KLK4: variants seen among roughly 807,000 people sequenced by gnomAD.
KLK4 encodes kallikrein-4.
A neutral mutation model predicts 24.3 loss-of-function variants in KLK4; 24 were observed. The ratio of observed to expected loss-of-function variants is 0.99; its 90% CI spans 0.72 to 1.39. The LOEUF (loss-of-function observed/expected upper bound fraction) is 1.39. KLK4 is among the 40% of genes most tolerant of loss of function. The probability of loss-of-function intolerance (pLI) is 0.00; values close to 1 mark genes in which losing one functional copy is unlikely to be tolerated. For missense variants in KLK4, 344 were observed against 327.4 expected (o/e 1.05, Z -0.39); for synonymous variants, 142 against 138.8 (o/e 1.02, Z -0.16).
Position 50,908,309 on chromosome 19 carries a change from C to T in KLK4, c.612+50G>A, listed in dbSNP as rs189903. ...CGGCCCTGTGTGTCTCTGTCTCCCC[C>T]TTCTCCACCCTTCCCTGAGTCGCCT... On this transcript the variant is annotated intron_variant, in intron 5 of 5. Coordinates refer to ENST00000324041, the Ensembl canonical transcript of KLK4. 8,537 of 1,605,664 alleles carry T rather than the reference C, an allele frequency of 5.3e-3. 386 individuals are homozygous for T. The African/African-American group carries it at 0.098, about 18-fold the overall frequency.
chr19:50,909,056 A>G, intron 3 of KLK4, 196 bp downstream of exon 3: 1 of 1,479,220 alleles, frequency 6.8e-7, no homozygotes. Flanking sequence ...ATTTCAAGTC[A>G]GGACTCTCTG....
chr19:50,908,392 G>A (rs762955905), exon 5 of KLK4: 8 of 1,613,816 alleles, frequency 5.0e-6, no homozygotes, highest in East Asian at 4.5e-5. Context: ...GCCCTCCGCC[G>A]GCGCAGAACA....
chr19:50,908,660 T>C, exon 4 of KLK4: 1 of 1,614,202 alleles, frequency 6.2e-7, no homozygotes, highest in South Asian at 1.1e-5. Context: ...ATGCTCCGGA[T>C]GGTGTCAGAC....
Position 50,910,845 on chromosome 19 carries a change from G to C in KLK4, c.-11-96C>G. 1 of 1,092,586 alleles carries C rather than the reference G, an allele frequency of 9.2e-7. No homozygotes were observed. Among genetic ancestry groups the C allele is most frequent in the Non-Finnish European group, 1.4e-6 (1 of 732,256 alleles). The allele number at this position is 1,092,586 out of a possible 1,614,324, so 67.7% of individuals were successfully genotyped here. ...TCCCTCCCTTTCTTCCCTCTGGGAC[G>C]TTATTAGGTAGGCAAGAGCCTAGAC... On this transcript the variant is annotated intron_variant, in intron 1 of 5. Coordinates refer to ENST00000324041, the Ensembl canonical transcript of KLK4. The surrounding 1 kb of genome is among the most constrained non-coding windows in gnomAD (Gnocchi z 4.4).
Position 50,908,861 on chromosome 19 carries a change from G to A in KLK4, c.225-32C>T, listed in dbSNP as rs199541004. On this transcript the variant is annotated intron_variant, in intron 3 of 5. Transcript: ENST00000324041. The stretch of plus-strand genomic sequence containing the variant: ...GCCACGGAGGGCAGGTCAGTTTTGT[G>A]GCAACTACATCCTTACCTCCATTCT... 3.8e-4 allele frequency: 608 copies of A among 1,606,380 alleles called. 2 individuals carry two copies. Among genetic ancestry groups the A allele is most frequent in the Non-Finnish European group, 4.9e-4 (577 of 1,179,924 alleles).
Position 50,910,614 on chromosome 19 carries a change from C to A in KLK4, c.61+64G>T, listed in dbSNP as rs557523778. 6.2e-6 allele frequency: 9 copies of A among 1,446,432 alleles called. No homozygotes were observed. Among genetic ancestry groups the A allele is most frequent in the African/African-American group, 1.4e-5 (1 of 70,626 alleles). 89.6% of individuals were successfully genotyped at this position (1,446,432 alleles called of 1,614,324 possible). Reference sequence around the variant, plus strand: ...ACAAGCAAGAGGACACTGAGTCACACCTGAACATTAACAAACACTGTGCCC... The same window carrying A: ...ACAAGCAAGAGGACACTGAGTCACAACTGAACATTAACAAACACTGTGCCC... On this transcript the variant is annotated intron_variant, in intron 2 of 5. Coordinates refer to ENST00000324041, the Ensembl canonical transcript of KLK4. The surrounding 1 kb of genome is among the most constrained non-coding windows in gnomAD (Gnocchi z 4.4).
At chr19:50,908,293 G>A in intron 5 of KLK4, 66 bp downstream of exon 5, 1 of 1,590,454 alleles carries the variant, frequency 6.3e-7, no homozygotes, top group Non-Finnish European at 8.6e-7. Flanking sequence ...GCGGCCCTGT[G>A]TGTCTCTGTC....
intron 3 of KLK4, 187 bp downstream of exon 3, chr19:50,909,065 T>TG: frequency 6.8e-7 from 1 of 1,480,968 alleles, no homozygotes; most frequent in Non-Finnish European, 8.9e-7. Flanking sequence ...CAGGACTCTC[T>TG]GAGTCCTTCC....
At chr19:50,908,465 T>G (rs1051887391) in exon 5 of KLK4, 2 of 1,614,020 alleles carry the variant, frequency 1.2e-6, no homozygotes, top group Non-Finnish European at 1.7e-6. Flanking sequence ...CACCGACACG[T>G]TCACGCACTG....
Position 50,909,312 on chromosome 19 carries a change from AAC to A in KLK4, c.162_163del (p.Leu54PhefsTer33). The A allele has an allele frequency of 1.2e-6, 2 of 1,614,206 alleles. No homozygotes were observed. The highest frequency in any genetic ancestry group is 1.7e-6 in the Non-Finnish European group (2 of 1,180,034). ...CGGATGCACCAGGACGCCCGAGCAG[AAC>A]AATTCGTTTTCCATGACCAGTGCCG... On this transcript the variant is annotated frameshift_variant, in exon 3 of 6. Coordinates refer to ENST00000324041, the Ensembl canonical transcript of KLK4. LOFTEE classifies it high-confidence loss of function.
chr19:50,906,998 G>A, exon 6 of KLK4: 1 of 1,614,156 alleles, frequency 6.2e-7, no homozygotes, highest in Non-Finnish European at 8.5e-7. Flanking sequence ...GTAGACACCT[G>A]GCACGCCAAC....
exon 6 of KLK4, chr19:50,906,945 G>T: frequency 6.2e-7 from 1 of 1,614,152 alleles, no homozygotes; most frequent in Non-Finnish European, 8.5e-7. Flanking sequence ...TAACTGGCCT[G>T]GACGGTTTTC....
At chr19:50,907,606 C>T (rs1356369371) in intron 5 of KLK4, among the ~76,000 whole-genome samples, 65 of 152,064 alleles carry the variant, frequency 4.3e-4, no homozygotes, top group Admixed American at 4.3e-3. Flanking sequence ...AGGATTTCAC[C>T]ATTTTGGCCA....
chr19:50,906,771 T>C (rs540025152), exon 6 of KLK4: 191 of 668,832 alleles, frequency 2.9e-4, no homozygotes, highest in Non-Finnish European at 2.4e-4. Context: ...CTCCTGGGTC[T>C]GAGGGAGGAG....
chr19:50,910,829 T>C lies in KLK4; in HGVS notation c.-11-80A>G. ...TCCATCCCTCTCTTTGTCCCTCCCTTTCTTCCCTCTGGGACGTTATTAGGT... is the reference window on the plus strand; with the variant it reads ...TCCATCCCTCTCTTTGTCCCTCCCTCTCTTCCCTCTGGGACGTTATTAGGT... On this transcript the variant is annotated intron_variant, in intron 1 of 5. Coordinates refer to ENST00000324041, the Ensembl canonical transcript of KLK4. The surrounding 1 kb of genome is among the most constrained non-coding windows in gnomAD (Gnocchi z 4.4). 1 of 1,254,046 alleles carries C rather than the reference T, an allele frequency of 8.0e-7. No homozygotes were observed. The highest frequency in any genetic ancestry group is 1.3e-5 in the South Asian group (1 of 78,024). The allele number at this position is 1,254,046 out of a possible 1,614,324, so 77.7% of individuals were successfully genotyped here.
At chr19:50,909,002 C>T in intron 3 of KLK4, 173 bp from the exon 4 acceptor site, 1 of 1,494,762 alleles carries the variant, frequency 6.7e-7, no homozygotes, top group Non-Finnish European at 8.9e-7. Context: ...AATTCAGGGA[C>T]AAGAACTTGC....
chr19:50,908,123 G>A, intron 5 of KLK4: 1 of 590,958 alleles, frequency 1.7e-6, no homozygotes, highest in South Asian at 2.0e-5. Context: ...AAGGTCAACT[G>A]CATTTCTATG....
chr19:50,909,160 G>A lies in KLK4; in HGVS notation c.224+92C>T, dbSNP rs73042402. The A allele has an allele frequency of 1.6e-4, 254 of 1,604,782 alleles. 1 individual carries two copies. In the East Asian group the frequency reaches 5.7e-3, roughly 36 times the overall value. On this transcript the variant is annotated intron_variant, in intron 3 of 5. Coordinates refer to ENST00000324041, the Ensembl canonical transcript of KLK4. ...CCGTCCTCCTCCCAGAGCCTTCACCGCTGTTTCCCCCTGAGCACCCCAAGA... is the reference window on the plus strand; with the variant it reads ...CCGTCCTCCTCCCAGAGCCTTCACCACTGTTTCCCCCTGAGCACCCCAAGA...
rs372405026 is a variant in KLK4, at chr19:50,910,769, C to A, written c.-11-20G>T. 1.3e-6 allele frequency: 2 copies of A among 1,545,600 alleles called. No homozygotes were observed. The highest frequency in any genetic ancestry group is 2.7e-5 in the African/African-American group (2 of 72,916). ...CAGCACCTGGGGATGAGGACTGAGACTTAGCCGTGTCTGGGGATCTTCAGC... is the reference window on the plus strand; with the variant it reads ...CAGCACCTGGGGATGAGGACTGAGAATTAGCCGTGTCTGGGGATCTTCAGC... On this transcript the variant is annotated intron_variant, in intron 1 of 5. Coordinates refer to ENST00000324041, the Ensembl canonical transcript of KLK4. The surrounding 1 kb of genome is among the most constrained non-coding windows in gnomAD (Gnocchi z 4.4).
Sources: allele counts gnomAD v4.1 joint callset (sites outside exome capture counted in the v4.1 genomes callset), GRCh38; gene constraint gnomAD v4.1.1; non-coding constraint Gnocchi (gnomAD v3.1); transcripts MANE v1.5; gene names NCBI Gene and HGNC (gene_info 2026-07-23, HGNC 2026-07-21).